RANBP17: variants seen among roughly 807,000 people sequenced by gnomAD.
The protein encoded by RANBP17 is RAN binding protein 17.
A neutral mutation model predicts 141.2 loss-of-function variants in RANBP17; 158 were observed. That is an observed-to-expected ratio of 1.12 (90% CI 0.98 to 1.28). The LOEUF is 1.28. RANBP17 is among the 50% of genes most tolerant of loss of function. The pLI, the probability that RANBP17 is intolerant of heterozygous loss-of-function variation, is 0.00. For missense variants in RANBP17, 1,438 were observed against 1,290.7 expected (o/e 1.11, Z -1.75); for synonymous variants, 430 against 450.0 (o/e 0.96, Z 0.56).
intron 2 of RANBP17, among the ~76,000 whole-genome samples, chr5:170,879,096 A>G (rs749445310): frequency 6.6e-6 from 1 of 152,134 alleles, no homozygotes; most frequent in Non-Finnish European, 1.5e-5. Context: ...TTCTATCATC[A>G]TCATTGATTG....
At position 171,122,625 on chromosome 5, in the gene RANBP17, C is replaced by T. The variant is rs185883647; in HGVS notation, c.1711-47505C>T. 4.7e-3 allele frequency among the ~76,000 whole-genome samples: 720 copies of T among 152,326 alleles called. 4 individuals carry two copies. Among genetic ancestry groups the T allele is most frequent in the African/African-American group, 0.017 (699 of 41,576 alleles). Reference sequence around the variant, plus strand: ...CAAATAAAAGGCAAGCAAGAGATCCCTAACAGTCCATGTTCCCACTGCAGA... The same window carrying T: ...CAAATAAAAGGCAAGCAAGAGATCCTTAACAGTCCATGTTCCCACTGCAGA... On this transcript the variant is annotated intron_variant, in intron 14 of 27. Transcript: ENST00000523189.
chr5:171,142,668 G>C lies in RANBP17; in HGVS notation c.1711-27462G>C, dbSNP rs1757785184. ...TTTTTTTCCTTAGAAGAAGAAGCCT[G>C]TCTCTGTATTTGTTAGCATTCAATA... On this transcript the variant is annotated intron_variant, in intron 14 of 27. Coordinates refer to ENST00000523189, the MANE Select transcript of RANBP17 (RefSeq NM_022897.5). Among the ~76,000 whole-genome samples, 3 of 152,128 alleles carry C rather than the reference G, an allele frequency of 2.0e-5. No individual in the cohort carries two copies. In the South Asian group the frequency reaches 6.2e-4, roughly 32 times the overall value.
At chr5:171,215,523 G>C (rs368711559) in intron 21 of RANBP17, among the ~76,000 whole-genome samples, 2 of 152,334 alleles carry the variant, frequency 1.3e-5, no homozygotes, top group African/African-American at 4.8e-5. Context: ...CCCACCAACA[G>C]TGTAAAAGCA....
intron 6 of RANBP17, chr5:170,909,982 A>G (rs1258486864): frequency 2.8e-6 from 1 of 354,592 alleles, no homozygotes; most frequent in Non-Finnish European, 5.0e-6. Flanking sequence ...AAGGGAATCT[A>G]ATAACTTATC....
intron 25 of RANBP17, chr5:171,284,726 G>C (rs1314574795): frequency 6.6e-6 from 1 of 152,188 alleles, no homozygotes; most frequent in Non-Finnish European, 1.5e-5. Flanking sequence ...GGGGTATGCA[G>C]TCAAGGATTC....
At chr5:171,257,467 A>C (rs985238574) in intron 24 of RANBP17, among the ~76,000 whole-genome samples, 5 of 152,210 alleles carry the variant, frequency 3.3e-5, no homozygotes, top group Admixed American at 2.0e-4. Flanking sequence ...TGAATGGGGA[A>C]AAGTTGAAAG....
chr5:171,146,688 C>T (rs183423519), intron 14 of RANBP17, among the ~76,000 whole-genome samples: 31 of 152,290 alleles, frequency 2.0e-4, no homozygotes, highest in African/African-American at 7.2e-4. Flanking sequence ...CAGTACAGAG[C>T]AGGGAACTTG....
chr5:171,235,861 T>C (rs1764510599), intron 22 of RANBP17, among the ~76,000 whole-genome samples: 1 of 152,186 alleles, frequency 6.6e-6, no homozygotes, highest in East Asian at 1.9e-4. Context: ...CCCAAAGTGC[T>C]GGGATTACAG....
At position 170,965,437 on chromosome 5, in the gene RANBP17, C is replaced by A. The variant is rs1408027078; in HGVS notation, c.1575-2805C>A. 7.9e-5 allele frequency among the ~76,000 whole-genome samples: 12 copies of A among 152,122 alleles called. No individual in the cohort carries two copies. The East Asian group carries it at 2.1e-3, about 27-fold the overall frequency. On this transcript the variant is annotated intron_variant, in intron 13 of 27. Coordinates refer to ENST00000523189, the MANE Select transcript of RANBP17 (RefSeq NM_022897.5). The stretch of plus-strand genomic sequence containing the variant: ...ATTTGTCAATTTTGGCTTTTGTTGC[C>A]ATTGCTTTTGGTGTTTTAGAAATGA...
chr5:171,288,245 T>A (rs1768285715), intron 25 of RANBP17, among the ~76,000 whole-genome samples: 1 of 152,150 alleles, frequency 6.6e-6, no homozygotes. Context: ...TCTCCAGGAA[T>A]CACTACCCTG....
intron 11 of RANBP17, among the ~76,000 whole-genome samples, chr5:170,923,117 C>T (rs1485541144): frequency 1.3e-5 from 2 of 152,190 alleles, no homozygotes; most frequent in African/African-American, 2.4e-5. Context: ...ATTTTCCCTT[C>T]TAGGAGTTTT....
At chr5:170,949,956 ATT>A (rs1195797290) in intron 12 of RANBP17, among the ~76,000 whole-genome samples, 1 of 152,152 alleles carries the variant, frequency 6.6e-6, no homozygotes, top group African/African-American at 2.4e-5. Flanking sequence ...TTTACAGCCA[ATT>A]GGTTTTTGAC....
intron 5 of RANBP17, among the ~76,000 whole-genome samples, chr5:170,903,144 T>A (rs1770786974): frequency 6.6e-6 from 1 of 152,136 alleles, no homozygotes; most frequent in Non-Finnish European, 1.5e-5. Context: ...GATGGGAGTT[T>A]TATATATAAG....
At position 170,984,075 on chromosome 5, in the gene RANBP17, C is replaced by A. The variant is rs1480256501; in HGVS notation, c.1710+15698C>A. Among the ~76,000 whole-genome samples the A allele has an allele frequency of 3.9e-5, 6 of 152,002 alleles. No homozygotes were observed. The East Asian group carries it at 1.2e-3, about 29-fold the overall frequency. ...AAATACTGAATAAATAAATAAATAA[C>A]TGATGTAAGGGAAGGAGTTTTTTAA... On this transcript the variant is annotated intron_variant, in intron 14 of 27. Transcript: ENST00000523189.
At chr5:171,297,413 C>G (rs1768885402) in intron 27 of RANBP17, among the ~76,000 whole-genome samples, 1 of 152,150 alleles carries the variant, frequency 6.6e-6, no homozygotes, top group African/African-American at 2.4e-5. Context: ...CTGCACCATC[C>G]TTTTATAAAT....
chr5:171,073,657 G>A lies in RANBP17; in HGVS notation c.1711-96473G>A, dbSNP rs923207624. On this transcript the variant is annotated intron_variant, in intron 14 of 27. Coordinates refer to ENST00000523189, the MANE Select transcript of RANBP17 (RefSeq NM_022897.5). ...TGTACATGTGTGTAAAGGCCTAGAA[G>A]CAGTGTCACCCCGGTAGCTACAGAC... is the stretch of plus-strand genomic sequence containing the variant. Among the ~76,000 whole-genome samples, 4 of 152,214 alleles carry A rather than the reference G, an allele frequency of 2.6e-5. No homozygotes were observed. In the East Asian group the frequency reaches 5.8e-4, roughly 22 times the overall value.
chr5:170,955,656 A>G lies in RANBP17; in HGVS notation c.1574+1954A>G, dbSNP rs1261900638. ...ATATATATATGCTCAGTGTATATAT[A>G]TATATATATATATATATATATATAT... On this transcript the variant is annotated intron_variant, in intron 13 of 27. Transcript: ENST00000523189. Among the ~76,000 whole-genome samples, 10 of 43,338 alleles carry G rather than the reference A, an allele frequency of 2.3e-4. 2 individuals carry two copies. The highest frequency in any genetic ancestry group is 2.9e-3 in the East Asian group (2 of 690). The allele number at this position is 43,338 out of a possible 152,430, so 28.4% of individuals were successfully genotyped here. A position where few individuals can be genotyped will look rare whatever the true frequency, so the allele number is the denominator to read the frequency against.
chr5:170,926,297 G>A (rs1772914576), intron 12 of RANBP17, among the ~76,000 whole-genome samples: 1 of 152,046 alleles, frequency 6.6e-6, no homozygotes, highest in Non-Finnish European at 1.5e-5. Flanking sequence ...TTGCTGACCT[G>A]GACCTAGATT....
intron 11 of RANBP17, among the ~76,000 whole-genome samples, chr5:170,923,204 GTTC>G (rs748634684): frequency 7.9e-5 from 12 of 152,284 alleles, no homozygotes; most frequent in South Asian, 2.1e-4. Context: ...TAAGGCTAGA[GTTC>G]TTCTTTTTGG....
Sources: gnomAD v4.1 joint callset for allele counts (sites outside exome capture counted in the v4.1 genomes callset) on GRCh38, gnomAD v4.1.1 for gene constraint, MANE v1.5 for transcripts, NCBI Gene and HGNC (gene_info 2026-07-23, HGNC 2026-07-21) for gene names.